The following APC variants were observed in gnomAD, a reference collection of about 807,000 sequenced individuals.
The protein encoded by APC is adenomatous polyposis coli protein.
Under a neutral mutation model 247.0 loss-of-function variants are expected in APC, and 72 were observed. The observed-to-expected ratio is 0.29, with a 90% CI of 0.24 to 0.35. The LOEUF (loss-of-function observed/expected upper bound fraction) is 0.35, where lower values mean the gene tolerates loss of function less well. APC is among the 10% of genes least tolerant of loss of function. APC has a pLI of 1.00. For missense variants in APC, 3,400 were observed against 3,360.7 expected, an observed-to-expected ratio of 1.01 and a Z score of -0.29; for synonymous variants, 1,254 against 1,162.5, an observed-to-expected ratio of 1.08 and a Z score of -1.60.
At chr5:112,797,168 A>G (rs1182136347) in intron 7 of APC, among the ~76,000 whole-genome samples, 3 of 152,158 alleles carry the variant, frequency 2.0e-5, no homozygotes, top group African/African-American at 7.2e-5. Flanking sequence ...TTTTGTTATG[A>G]TAATAGTTAC....
At chr5:112,741,513 C>G (rs1256551392) in intron 1 of APC, among the ~76,000 whole-genome samples, 3 of 152,088 alleles carry the variant, frequency 2.0e-5, no homozygotes, top group Non-Finnish European at 2.9e-5. Context: ...CACCCTGCAC[C>G]CACTCTTCTT....
intron 11 of APC, among the ~76,000 whole-genome samples, chr5:112,825,540 G>T (rs1428589813): frequency 1.3e-5 from 2 of 151,876 alleles, no homozygotes; most frequent in South Asian, 2.1e-4. Context: ...TCTTCTTCCT[G>T]CCCCACCCTT....
intron 6 of APC, among the ~76,000 whole-genome samples, chr5:112,782,143 G>C (rs949376338): frequency 6.6e-6 from 1 of 152,204 alleles, no homozygotes; most frequent in African/African-American, 2.4e-5. Flanking sequence ...TCACAATCAT[G>C]GTGGAAGGCA....
intron 5 of APC, 21 bp downstream of exon 5, chr5:112,775,758 A>C: frequency 7.6e-7 from 1 of 1,319,002 alleles, no homozygotes; most frequent in Non-Finnish European, 1.1e-6. Flanking sequence ...TGGCAGTACA[A>C]CTTATTTGAA....
At chr5:112,808,372 TTC>T (rs1459756011) in intron 8 of APC, among the ~76,000 whole-genome samples, 2 of 152,326 alleles carry the variant, frequency 1.3e-5, no homozygotes, top group Non-Finnish European at 2.9e-5. Context: ...AATCTGTATG[TTC>T]CTTCTTTTTG....
intron 2 of APC, among the ~76,000 whole-genome samples, chr5:112,763,889 T>C (rs1018743601): frequency 1.3e-5 from 2 of 152,188 alleles, no homozygotes; most frequent in Admixed American, 1.3e-4. Flanking sequence ...GTGATTCTGA[T>C]CCATGCTGAC....
intron 1 of APC, among the ~76,000 whole-genome samples, chr5:112,751,472 A>G: frequency 6.6e-6 from 1 of 152,070 alleles, no homozygotes; most frequent in East Asian, 1.9e-4. Context: ...GTATACCAGA[A>G]TAAGAAACGT....
In APC at chr5:112,827,134, T is replaced by C. The variant is rs780577693; in HGVS notation, c.1435T>C (p.Leu479=). 2 of 1,613,800 alleles carry C rather than the reference T, an allele frequency of 1.2e-6. No homozygotes were observed. Among genetic ancestry groups the C allele is most frequent in the Non-Finnish European group, 1.7e-6 (2 of 1,179,842 alleles). ...LGGLQAIAEL[L]QVDCEMYGLT... ...GGGACTACAGGCCATTGCAGAATTA[T>C]TGCAAGTGGACTGTGAAATGTATGG... The change falls in exon 12 of 16, where the codon TTG becomes CTG. Residue 479 remains leucine (L), a synonymous_variant. Coordinates refer to ENST00000257430, the MANE Select transcript of APC (RefSeq NM_000038.6).
chr5:112,750,209 C>T (rs550291509), intron 1 of APC, among the ~76,000 whole-genome samples: 7 of 151,998 alleles, frequency 4.6e-5, no homozygotes, highest in Non-Finnish European at 8.8e-5. Flanking sequence ...GTGATCCGCC[C>T]GCTTCAGCCT....
At chr5:112,821,799 G>C in intron 10 of APC, 97 bp from the exon 11 acceptor site, 1 of 939,180 alleles carries the variant, frequency 1.1e-6, no homozygotes. Context: ...GTGAATTAGG[G>C]TTATATTAGT....
At chr5:112,732,834 A>G (rs968542070) in intron 1 of APC, among the ~76,000 whole-genome samples, 14 of 152,248 alleles carry the variant, frequency 9.2e-5, no homozygotes, top group African/African-American at 3.1e-4. Flanking sequence ...ATGGGAATTT[A>G]TGTTTAAGCC....
chr5:112,721,525 A>G (rs529722990), intron 1 of APC, among the ~76,000 whole-genome samples: 1 of 152,326 alleles, frequency 6.6e-6, no homozygotes, highest in South Asian at 2.1e-4. Flanking sequence ...TGCGTGGATC[A>G]TGGAAGTTGG....
intron 9 of APC, 50 bp downstream of exon 9, chr5:112,815,643 A>G (rs767216393): frequency 3.4e-6 from 5 of 1,482,054 alleles, no homozygotes; most frequent in African/African-American, 1.4e-5. Flanking sequence ...CTACTTTGCT[A>G]AGACATTCTT....
At chr5:112,761,449 T>C (rs533430735) in intron 2 of APC, among the ~76,000 whole-genome samples, 1 of 152,212 alleles carries the variant, frequency 6.6e-6, no homozygotes, top group Non-Finnish European at 1.5e-5. Flanking sequence ...TTAAAAGGAA[T>C]CAAATAGATA....
At chr5:112,830,121 G>C (rs1042036323) in intron 14 of APC, among the ~76,000 whole-genome samples, 9 of 151,668 alleles carry the variant, frequency 5.9e-5, no homozygotes, top group African/African-American at 2.2e-4. Flanking sequence ...ATGCATTTTT[G>C]GTAAAGTATA....
intron 2 of APC, among the ~76,000 whole-genome samples, chr5:112,762,923 G>A (rs1055195701): frequency 6.6e-6 from 1 of 152,096 alleles, no homozygotes; most frequent in African/African-American, 2.4e-5. Flanking sequence ...CATATTGGAT[G>A]GTATCATCTT....
intron 1 of APC, among the ~76,000 whole-genome samples, chr5:112,722,955 GT>G (rs1315656828): frequency 2.0e-5 from 3 of 152,146 alleles, no homozygotes; most frequent in African/African-American, 7.2e-5. Flanking sequence ...AGCAAGGCCT[GT>G]CTGTTCTGAC....
chr5:112,774,752 C>G (rs1369092105), intron 4 of APC, among the ~76,000 whole-genome samples: 2 of 152,080 alleles, frequency 1.3e-5, no homozygotes, highest in Non-Finnish European at 2.9e-5. Context: ...ATTGGCATTA[C>G]AGGCATGTGC....
intron 10 of APC, among the ~76,000 whole-genome samples, chr5:112,820,554 G>A (rs1763016248): frequency 6.6e-6 from 1 of 152,058 alleles, no homozygotes; most frequent in Non-Finnish European, 1.5e-5. Flanking sequence ...GGGGTGAGGG[G>A]AACTAGTAAG....
Sources: gnomAD v4.1 joint callset for allele counts (sites outside exome capture counted in the v4.1 genomes callset) on GRCh38, gnomAD v4.1.1 for gene constraint, MANE v1.5 for transcripts, NCBI Gene and HGNC (gene_info 2026-07-23, HGNC 2026-07-21) for gene names.